DPP6: variants seen among roughly 807,000 people sequenced by gnomAD.
DPP6 encodes the protein dipeptidyl peptidase like 6.
In DPP6, 69 loss-of-function variants were observed where a neutral mutation model predicts 122.6. The observed-to-expected ratio is 0.56, with a 90% CI of 0.46 to 0.69. DPP6 has a LOEUF of 0.69. DPP6 is among the 30% of genes least tolerant of loss of function. DPP6 has a pLI of 0.00. For missense variants in DPP6, 928 were observed against 1,116.9 expected (o/e 0.83, Z 2.41); for synonymous variants, 418 against 433.1 (o/e 0.97, Z 0.43).
intron 3 of DPP6, among the ~76,000 whole-genome samples, chr7:154,526,946 A>C (rs1052537359): frequency 3.9e-5 from 6 of 152,218 alleles, no homozygotes; most frequent in African/African-American, 1.2e-4. Context: ...AATCACTAAT[A>C]GCCTGCAACT....
chr7:154,752,842 C>A (rs189977284), intron 8 of DPP6, among the ~76,000 whole-genome samples: 1 of 152,154 alleles, frequency 6.6e-6, no homozygotes. Context: ...GGGTTCTACC[C>A]AGTGCCATGT....
At chr7:154,522,978 CG>C (rs1563800601) in intron 3 of DPP6, among the ~76,000 whole-genome samples, 1 of 152,124 alleles carries the variant, frequency 6.6e-6, no homozygotes, top group African/African-American at 2.4e-5. Flanking sequence ...ACCTCTGGGG[CG>C]GGGATCGCCT....
intron 1 of DPP6, among the ~76,000 whole-genome samples, chr7:154,181,749 C>CTTTTTTTTTTTTTTTT (rs57576340): frequency 1.5e-5 from 2 of 134,912 alleles, no homozygotes; most frequent in African/African-American, 2.8e-5. Context: ...GCATCTCCCT[C>CTTTTTTTTTTTTTTTT]TTTTTTTTTT....
intron 1 of DPP6, among the ~76,000 whole-genome samples, chr7:154,165,053 T>G (rs2150715823): frequency 6.6e-6 from 1 of 151,986 alleles, no homozygotes; most frequent in East Asian, 1.9e-4. Context: ...ATGTGCACAT[T>G]GTGCAGGTTA....
At chr7:154,766,373 G>A (rs1188187655) in intron 8 of DPP6, among the ~76,000 whole-genome samples, 2 of 152,008 alleles carry the variant, frequency 1.3e-5, no homozygotes, top group African/African-American at 2.4e-5. Flanking sequence ...GCTGGAGTAC[G>A]GTGGCAAGAT....
intron 7 of DPP6, among the ~76,000 whole-genome samples, chr7:154,677,619 T>C (rs1449121902): frequency 6.6e-6 from 1 of 152,226 alleles, no homozygotes; most frequent in African/African-American, 2.4e-5. Context: ...GGGCCTTTGC[T>C]TCACCCATCG....
intron 7 of DPP6, among the ~76,000 whole-genome samples, chr7:154,716,969 GATTACAGGCGTGCACCACAACGCACAGC>G: frequency 6.6e-6 from 1 of 152,056 alleles, no homozygotes; most frequent in African/African-American, 2.4e-5. Flanking sequence ...AAGTAACTGG[GATTACAGGCGTGCACCACAACGCACAGC>G]TAATTTTGTA....
At chr7:154,770,705 C>T (rs1035843566) in intron 9 of DPP6, among the ~76,000 whole-genome samples, 2 of 152,166 alleles carry the variant, frequency 1.3e-5, no homozygotes, top group Non-Finnish European at 2.9e-5. Flanking sequence ...ATGTTCTGAC[C>T]CAATGAGCCA....
At chr7:154,582,862 C>T (rs1034671062) in intron 5 of DPP6, among the ~76,000 whole-genome samples, 1 of 152,200 alleles carries the variant, frequency 6.6e-6, no homozygotes, top group Non-Finnish European at 1.5e-5. Context: ...AGCCACCCAG[C>T]CCCTGGGGAA....
At chr7:154,077,680 T>TA (rs1563174859) in intron 1 of DPP6, among the ~76,000 whole-genome samples, 20 of 150,744 alleles carry the variant, frequency 1.3e-4, no homozygotes, top group African/African-American at 4.6e-4. Flanking sequence ...ATTATTATTT[T>TA]TTTTTTTTTG....
At chr7:153,766,112 T>C in the DPP6 span, among the ~76,000 whole-genome samples, 1 of 152,258 alleles carries the variant, frequency 6.6e-6, no homozygotes, top group African/African-American at 2.4e-5. Flanking sequence ...TTGTCATTTA[T>C]GATTGACAAA....
At chr7:154,034,499 A>T (rs1308299848) in intron 1 of DPP6, among the ~76,000 whole-genome samples, 1 of 152,040 alleles carries the variant, frequency 6.6e-6, no homozygotes, top group Non-Finnish European at 1.5e-5. Context: ...AAGCAAATCT[A>T]CGGGTCTCCC....
chr7:154,137,647 G>GT (rs1372656214), intron 1 of DPP6, among the ~76,000 whole-genome samples: 1 of 48,564 alleles, frequency 2.1e-5, no homozygotes, highest in Admixed American at 1.5e-4. Flanking sequence ...ATGGTGGGGG[G>GT]GGTGGGGGGG....
chr7:154,588,371 C>T (rs954146672), intron 5 of DPP6: 13 of 424,280 alleles, frequency 3.1e-5, no homozygotes, highest in Non-Finnish European at 4.6e-5. Context: ...GTGATGTTGG[C>T]CGACTGTGTC....
intron 1 of DPP6, among the ~76,000 whole-genome samples, chr7:153,983,549 AGT>A (rs1360716453): frequency 6.6e-6 from 1 of 152,070 alleles, no homozygotes; most frequent in African/African-American, 2.4e-5. Flanking sequence ...TTTCCAGGTG[AGT>A]GAACAGTTCT....
chr7:154,044,620 T>A (rs529774339), intron 1 of DPP6, among the ~76,000 whole-genome samples: 1 of 152,210 alleles, frequency 6.6e-6, no homozygotes, highest in Non-Finnish European at 1.5e-5. Context: ...ATCAACTCGT[T>A]TTTTAAATTT....
chr7:153,989,365 GTA>G (rs1319516057), intron 1 of DPP6, among the ~76,000 whole-genome samples: 2 of 151,220 alleles, frequency 1.3e-5, no homozygotes, highest in Non-Finnish European at 2.9e-5. Context: ...GGGGGAGTGA[GTA>G]TGGGGAGGAG....
intron 1 of DPP6, among the ~76,000 whole-genome samples, chr7:153,961,730 G>C (rs2907041): frequency 1.2e-4 from 17 of 145,890 alleles, no homozygotes; most frequent in South Asian, 6.9e-4. Context: ...CTAGACAGTC[G>C]CATCTGGGGA....
chr7:154,780,709 T>C (rs2083535963), intron 10 of DPP6, among the ~76,000 whole-genome samples: 1 of 152,214 alleles, frequency 6.6e-6, no homozygotes, highest in African/African-American at 2.4e-5. Flanking sequence ...TACATGGATT[T>C]CATGGCATCT....
Sources: gnomAD v4.1 joint callset for allele counts (sites outside exome capture counted in the v4.1 genomes callset) on GRCh38, gnomAD v4.1.1 for gene constraint, MANE v1.5 for transcripts, NCBI Gene and HGNC (gene_info 2026-07-23, HGNC 2026-07-21) for gene names.